ANKS1A: variants seen among roughly 807,000 people sequenced by gnomAD.
The protein encoded by ANKS1A is ankyrin repeat and SAM domain-containing protein 1A.
In ANKS1A, 55 loss-of-function variants were observed where a neutral mutation model predicts 120.3. That is an observed-to-expected ratio of 0.46 (90% CI 0.37 to 0.57). The LOEUF (loss-of-function observed/expected upper bound fraction) is 0.57. Among genes scored for constraint, ANKS1A ranks in the 20% least tolerant of loss-of-function variants. ANKS1A has a pLI of 0.00. For missense variants in ANKS1A, 1,123 were observed against 1,480.3 expected, an observed-to-expected ratio of 0.76 and a Z score of 3.96; for synonymous variants, 590 against 604.7, an observed-to-expected ratio of 0.98 and a Z score of 0.36.
chr6:34,929,119 T>C (rs1385640604), intron 1 of ANKS1A, among the ~76,000 whole-genome samples: 3 of 152,246 alleles, frequency 2.0e-5, no homozygotes, highest in African/African-American at 7.2e-5. Flanking sequence ...GTGAAGATGC[T>C]AATGCATACC....
downstream of ANKS1A, among the ~76,000 whole-genome samples, chr6:35,092,521 G>T (rs913726788): frequency 3.3e-5 from 5 of 152,164 alleles, no homozygotes; most frequent in African/African-American, 1.2e-4. Context: ...GCGTTGAGTT[G>T]GGAAAGTCCA....
At chr6:34,921,707 G>A (rs1768440668) in intron 1 of ANKS1A, among the ~76,000 whole-genome samples, 1 of 152,174 alleles carries the variant, frequency 6.6e-6, no homozygotes, top group Non-Finnish European at 1.5e-5. Flanking sequence ...AAATGTAGCA[G>A]CTGATGAAGA....
Position 35,090,525 on chromosome 6 carries a change from C to T in ANKS1A, c.*1916C>T, listed in dbSNP as rs552333563. On this transcript the variant is annotated 3_prime_UTR_variant, in exon 24 of 24. Transcript: ENST00000360359. ...AGCTGCTATATCATCTTTATTTATT[C>T]AGGGTATTTTCATATTGGAAGCCTT... 5.4e-5 allele frequency: 57 copies of T among 1,048,444 alleles called. No homozygotes were observed. The African/African-American group carries it at 7.3e-4, about 13-fold the overall frequency. The allele number at this position is 1,048,444 out of a possible 1,614,324, so 64.9% of individuals were successfully genotyped here.
intron 13 of ANKS1A, among the ~76,000 whole-genome samples, chr6:35,061,675 A>G (rs898281913): frequency 1.3e-5 from 2 of 152,244 alleles, no homozygotes; most frequent in East Asian, 3.8e-4. Flanking sequence ...GTTAATTTTC[A>G]GCTTTTAGAA....
At chr6:35,025,741 C>T (rs1049877402) in intron 11 of ANKS1A, among the ~76,000 whole-genome samples, 1 of 151,870 alleles carries the variant, frequency 6.6e-6, no homozygotes, top group Admixed American at 6.6e-5. Context: ...ATAGGCTTCT[C>T]TTCTAGCCTC....
intron 1 of ANKS1A, among the ~76,000 whole-genome samples, chr6:34,932,428 G>A (rs1173314156): frequency 1.3e-5 from 2 of 151,774 alleles, no homozygotes; most frequent in Non-Finnish European, 2.9e-5. Flanking sequence ...TCCGCCTGAG[G>A]ATCTGGAGTG....
At chr6:34,901,233 A>T (rs1302197812) in intron 1 of ANKS1A, among the ~76,000 whole-genome samples, 15 of 149,504 alleles carry the variant, frequency 1.0e-4, no homozygotes, top group Non-Finnish European at 1.8e-4. Flanking sequence ...TTTTTTTTTT[A>T]AACAATTCGC....
At chr6:34,954,377 G>A (rs940930412) in intron 1 of ANKS1A, among the ~76,000 whole-genome samples, 1 of 152,292 alleles carries the variant, frequency 6.6e-6, no homozygotes, top group South Asian at 2.1e-4. Flanking sequence ...GTGTGGTATT[G>A]TGTGTGTGCA....
chr6:35,063,965 C>CT (rs1776641368), intron 13 of ANKS1A, among the ~76,000 whole-genome samples: 1 of 152,168 alleles, frequency 6.6e-6, no homozygotes, highest in Non-Finnish European at 1.5e-5. Context: ...GATGGTGGGA[C>CT]TTGGAAAGAT....
At position 35,079,501 on chromosome 6, in the gene ANKS1A, C is replaced by A; in HGVS notation, c.2284-15C>A. On this transcript the variant is annotated splice_polypyrimidine_tract_variant and intron_variant, in intron 14 of 23. Transcript: ENST00000360359. ...GTGCTGAGATGTCAGTTTCACCTCC[C>A]TCCTTGCCCTGTAGGTGAAGGCTCT... The A allele has an allele frequency of 6.2e-7, 1 of 1,613,284 alleles. No homozygotes were observed. Among genetic ancestry groups the A allele is most frequent in the Non-Finnish European group, 8.5e-7 (1 of 1,179,562 alleles).
chr6:34,919,685 A>C (rs1023675770), intron 1 of ANKS1A, among the ~76,000 whole-genome samples: 2 of 152,188 alleles, frequency 1.3e-5, no homozygotes, highest in African/African-American at 4.8e-5. Flanking sequence ...CAAGTTTCTT[A>C]ACCTCTTTGG....
chr6:34,942,740 TG>T (rs1769593338), intron 1 of ANKS1A, among the ~76,000 whole-genome samples: 1 of 152,158 alleles, frequency 6.6e-6, no homozygotes, highest in African/African-American at 2.4e-5. Context: ...CTTCTGTCAT[TG>T]GTATTTACTC....
intron 11 of ANKS1A, among the ~76,000 whole-genome samples, chr6:35,045,200 T>C (rs1775661028): frequency 6.6e-6 from 1 of 152,240 alleles, no homozygotes; most frequent in Non-Finnish European, 1.5e-5. Flanking sequence ...TTGCTCAGAC[T>C]TGTGTCATAA....
At chr6:34,920,911 G>C (rs1768402659) in intron 1 of ANKS1A, among the ~76,000 whole-genome samples, 1 of 152,078 alleles carries the variant, frequency 6.6e-6, no homozygotes, top group Non-Finnish European at 1.5e-5. Context: ...CTAGGGAGCT[G>C]CACAATTAAA....
intron 11 of ANKS1A, among the ~76,000 whole-genome samples, chr6:35,043,455 G>A (rs1047561437): frequency 6.6e-5 from 10 of 152,198 alleles, no homozygotes; most frequent in Non-Finnish European, 2.9e-5. Context: ...CTAGGAAAAC[G>A]CAGCCAGAGA....
At chr6:34,903,894 A>G (rs1003525737) in intron 1 of ANKS1A, among the ~76,000 whole-genome samples, 2 of 152,174 alleles carry the variant, frequency 1.3e-5, no homozygotes, top group African/African-American at 4.8e-5. Flanking sequence ...GCACGATATT[A>G]GCTCATTGTA....
intron 11 of ANKS1A, among the ~76,000 whole-genome samples, chr6:35,027,973 A>G (rs929122310): frequency 1.2e-4 from 4 of 34,522 alleles, no homozygotes; most frequent in Non-Finnish European, 3.8e-4. Flanking sequence ...CCATAACTCA[A>G]GGCAGCCTGT....
At position 35,046,574 on chromosome 6, in the gene ANKS1A, C is replaced by G. The variant is rs190777490; in HGVS notation, c.2011-7525C>G. On this transcript the variant is annotated intron_variant, in intron 11 of 23. Transcript: ENST00000360359. Reference sequence around the variant, plus strand: ...ATATCCACCACGTAGGGCATGGATTCTATAATTAGCATTTTGCTGTACGTG... The same window carrying G: ...ATATCCACCACGTAGGGCATGGATTGTATAATTAGCATTTTGCTGTACGTG... Among the ~76,000 whole-genome samples, 22 of 152,284 alleles carry G rather than the reference C, an allele frequency of 1.4e-4. No individual in the cohort carries two copies. The East Asian group carries it at 4.1e-3, about 28-fold the overall frequency.
At position 35,090,444 on chromosome 6, in the gene ANKS1A, C is replaced by T; in HGVS notation, c.*1835C>T. ...GAAAGAAACCGCAGACACTACGATG[C>T]ACTCCTCAAGCTGTCTTTTGTGCTT... On this transcript the variant is annotated 3_prime_UTR_variant, in exon 24 of 24. Coordinates refer to ENST00000360359, the MANE Select transcript of ANKS1A (RefSeq NM_015245.3). 1.9e-5 allele frequency: 23 copies of T among 1,182,370 alleles called. No homozygotes were observed. Among genetic ancestry groups the T allele is most frequent in the Non-Finnish European group, 2.3e-5 (22 of 937,406 alleles). 73.2% of individuals were successfully genotyped at this position (1,182,370 alleles called of 1,614,324 possible).
Sources: gnomAD v4.1 joint callset for allele counts (sites outside exome capture counted in the v4.1 genomes callset) on GRCh38, gnomAD v4.1.1 for gene constraint, MANE v1.5 for transcripts, NCBI Gene and HGNC (gene_info 2026-07-23, HGNC 2026-07-21) for gene names.